ELMO1: variants seen among roughly 807,000 people sequenced by gnomAD.
The protein encoded by ELMO1 is engulfment and cell motility protein 1.
Under a neutral mutation model 98.9 loss-of-function variants are expected in ELMO1, and 26 were observed. That is an observed-to-expected ratio of 0.26 (90% CI 0.19 to 0.36). ELMO1 has a LOEUF of 0.36. ELMO1 is among the 10% of genes least tolerant of loss of function. The probability of loss-of-function intolerance (pLI) is 1.00; values close to 1 mark genes in which losing one functional copy is unlikely to be tolerated. For synonymous variants in ELMO1, 346 were observed against 346.0 expected (o/e 1.00, Z 0.00); for missense variants, 627 against 935.2 (o/e 0.67, Z 4.30).
intron 13 of ELMO1, among the ~76,000 whole-genome samples, chr7:37,155,617 G>A (rs553342143): frequency 6.6e-6 from 1 of 151,908 alleles, no homozygotes; most frequent in Non-Finnish European, 1.5e-5. Context: ...TCAACAGGAA[G>A]AGCTAACTAT....
intron 1 of ELMO1, among the ~76,000 whole-genome samples, chr7:37,374,192 C>G (rs1013167028): frequency 2.6e-5 from 4 of 152,076 alleles, no homozygotes; most frequent in Admixed American, 1.3e-4. Context: ...GAATGCTGGC[C>G]CTAACACCAG....
intron 5 of ELMO1, among the ~76,000 whole-genome samples, chr7:37,263,460 C>CA (rs1796081481): frequency 6.6e-6 from 1 of 152,136 alleles, no homozygotes; most frequent in Non-Finnish European, 1.5e-5. Context: ...GGGGCTCACC[C>CA]ACCTTGGTGT....
intron 15 of ELMO1, among the ~76,000 whole-genome samples, chr7:37,095,675 T>C (rs149956534): frequency 1.4e-3 from 207 of 152,318 alleles, no homozygotes; most frequent in African/African-American, 4.9e-3. Context: ...GCAGTACCTG[T>C]AGTCAGTTCT....
chr7:37,097,653 A>T (rs1237606991), intron 14 of ELMO1, among the ~76,000 whole-genome samples: 1 of 151,738 alleles, frequency 6.6e-6, no homozygotes. Context: ...AATGAATGAA[A>T]GAATGAATGA....
intron 4 of ELMO1, among the ~76,000 whole-genome samples, chr7:37,289,827 G>A (rs1797584564): frequency 6.6e-6 from 1 of 152,046 alleles, no homozygotes; most frequent in Admixed American, 6.6e-5. Flanking sequence ...GGAGGAGTTA[G>A]TAGGGATACT....
intron 1 of ELMO1, among the ~76,000 whole-genome samples, chr7:37,421,678 T>C (rs1804480039): frequency 6.6e-6 from 1 of 152,170 alleles, no homozygotes; most frequent in Non-Finnish European, 1.5e-5. Flanking sequence ...ATGCAGCACA[T>C]GGATGAAGTT....
intron 13 of ELMO1, among the ~76,000 whole-genome samples, chr7:37,190,205 AC>A (rs1713408839): frequency 1.3e-5 from 2 of 152,216 alleles, no homozygotes; most frequent in African/African-American, 4.8e-5. Flanking sequence ...CTGATAGGCT[AC>A]TAATTATTAA....
intron 15 of ELMO1, among the ~76,000 whole-genome samples, chr7:37,092,346 C>CA (rs1257168399): frequency 7.0e-5 from 9 of 128,994 alleles, no homozygotes; most frequent in African/African-American, 1.7e-4. Flanking sequence ...CTATCACTTG[C>CA]AAAAAAAATT....
At chr7:37,269,584 G>A (rs1316349259) in intron 5 of ELMO1, 1 of 152,638 alleles carries the variant, frequency 6.6e-6, no homozygotes, top group Non-Finnish European at 1.5e-5. Flanking sequence ...TGGGACTACA[G>A]GCGCCTGCCA....
intron 4 of ELMO1, among the ~76,000 whole-genome samples, chr7:37,297,454 G>T (rs1478837413): frequency 2.0e-5 from 3 of 151,936 alleles, no homozygotes; most frequent in African/African-American, 7.3e-5. Flanking sequence ...GAAAGTGCCT[G>T]GCACCTAGGG....
Position 37,225,049 on chromosome 7 carries a change from C to G in ELMO1, c.550-19G>C. ...TTGCTATCTGAAAATCCAAGTGGGA[C>G]ACAATTGACTGCTCGTGGTAAGTAG... On this transcript the variant is annotated intron_variant, in intron 8 of 21. Coordinates refer to ENST00000310758, the MANE Select transcript of ELMO1 (RefSeq NM_014800.11). The G allele has an allele frequency of 6.2e-7, 1 of 1,613,800 alleles. No homozygotes were observed. The highest frequency in any genetic ancestry group is 2.2e-5 in the East Asian group (1 of 44,852).
intron 1 of ELMO1, among the ~76,000 whole-genome samples, chr7:37,432,188 T>C (rs979419830): frequency 5.3e-5 from 8 of 152,212 alleles, no homozygotes; most frequent in African/African-American, 1.9e-4. Context: ...GCCTGATCTA[T>C]GAAGTTTTAG....
chr7:37,344,832 C>T (rs557512919), intron 1 of ELMO1, among the ~76,000 whole-genome samples: 10 of 152,284 alleles, frequency 6.6e-5, no homozygotes, highest in African/African-American at 2.4e-4. Context: ...TGTGAACAGT[C>T]CAAACATTTG....
intron 15 of ELMO1, among the ~76,000 whole-genome samples, chr7:37,082,791 G>T (rs1209352370): frequency 6.6e-6 from 1 of 152,168 alleles, no homozygotes; most frequent in East Asian, 1.9e-4. Context: ...AAAGCTGAGA[G>T]TCGTCACACC....
chr7:36,910,351 T>C (rs915232049), intron 16 of ELMO1, among the ~76,000 whole-genome samples: 13 of 152,184 alleles, frequency 8.5e-5, no homozygotes, highest in Non-Finnish European at 1.6e-4. Context: ...TGCCATGTGA[T>C]TCAAAGGAGG....
At chr7:37,390,848 T>C (rs1803038155) in intron 1 of ELMO1, among the ~76,000 whole-genome samples, 1 of 152,236 alleles carries the variant, frequency 6.6e-6, no homozygotes, top group South Asian at 2.1e-4. Context: ...AATCTGGTTA[T>C]AGACAACTGC....
intron 16 of ELMO1, among the ~76,000 whole-genome samples, chr7:36,975,290 T>C (rs1482045909): frequency 2.0e-5 from 3 of 151,780 alleles, no homozygotes; most frequent in Non-Finnish European, 4.4e-5. Flanking sequence ...GGCAACATGG[T>C]GAAACCCTGT....
chr7:37,423,591 A>T (rs1042049112), intron 1 of ELMO1, among the ~76,000 whole-genome samples: 1 of 130,292 alleles, frequency 7.7e-6, no homozygotes, highest in African/African-American at 2.5e-5. Context: ...AAGAAAACAA[A>T]CAAACAAACA....
At chr7:37,245,999 A>C (rs915253394) in intron 6 of ELMO1, among the ~76,000 whole-genome samples, 2 of 152,306 alleles carry the variant, frequency 1.3e-5, no homozygotes, top group African/African-American at 4.8e-5. Context: ...ATCTCTGGGG[A>C]AAAACACACG....
Sources: allele counts gnomAD v4.1 joint callset (sites outside exome capture counted in the v4.1 genomes callset), GRCh38; gene constraint gnomAD v4.1.1; transcripts MANE v1.5; gene names NCBI Gene and HGNC (gene_info 2026-07-23, HGNC 2026-07-21).